ARHGEF3: variants seen among roughly 807,000 people sequenced by gnomAD.
ARHGEF3 encodes the protein 59.8 kDA protein.
Under a neutral mutation model 63.2 loss-of-function variants are expected in ARHGEF3, and 28 were observed. That is an observed-to-expected ratio of 0.44 (90% CI 0.33 to 0.61). The LOEUF (loss-of-function observed/expected upper bound fraction) is 0.61. Among genes scored for constraint, ARHGEF3 ranks in the 20% least tolerant of loss-of-function variants. The pLI, the probability that ARHGEF3 is intolerant of heterozygous loss-of-function variation, is 0.03. For missense variants in ARHGEF3, 533 were observed against 659.3 expected, an observed-to-expected ratio of 0.81 and a Z score of 2.10; for synonymous variants, 266 against 254.2, an observed-to-expected ratio of 1.05 and a Z score of -0.44.
intron 1 of ARHGEF3, chr3:57,074,426 T>C: frequency 1.6e-6 from 1 of 642,276 alleles, no homozygotes; most frequent in Non-Finnish European, 2.8e-6. Flanking sequence ...GAAGCCTCCC[T>C]GTCACACTTC....
intron 2 of ARHGEF3, among the ~76,000 whole-genome samples, chr3:56,967,360 T>TTATATAA (rs1700558080): frequency 2.4e-4 from 11 of 45,000 alleles, no homozygotes; most frequent in African/African-American, 4.6e-4. Flanking sequence ...TTATATAATA[T>TTATATAA]TATATTATAT....
At chr3:56,919,563 G>A (rs755582293) in intron 3 of ARHGEF3, among the ~76,000 whole-genome samples, 2 of 152,240 alleles carry the variant, frequency 1.3e-5, no homozygotes, top group East Asian at 1.9e-4. Context: ...TAGCAAATAC[G>A]AAAGATACAC....
upstream of ARHGEF3, among the ~76,000 whole-genome samples, chr3:56,806,126 C>A (rs777663322): frequency 1.5e-4 from 23 of 152,162 alleles, no homozygotes; most frequent in Non-Finnish European, 2.9e-4. Flanking sequence ...GCAATTTCCA[C>A]CTTGGTCCCT....
chr3:56,928,430 A>C (rs1304276264), intron 3 of ARHGEF3, among the ~76,000 whole-genome samples: 1 of 152,174 alleles, frequency 6.6e-6, no homozygotes, highest in Non-Finnish European at 1.5e-5. Context: ...CAGGCTCTGA[A>C]AACACTCCTT....
At chr3:56,867,486 T>TA (rs1268871025) in intron 4 of ARHGEF3, among the ~76,000 whole-genome samples, 4 of 151,204 alleles carry the variant, frequency 2.6e-5, no homozygotes, top group African/African-American at 9.8e-5. Flanking sequence ...TTTATTTATT[T>TA]TTTTGAGACA....
chr3:56,736,747 T>C (rs971069980), intron 8 of ARHGEF3, among the ~76,000 whole-genome samples: 1 of 152,186 alleles, frequency 6.6e-6, no homozygotes, highest in Non-Finnish European at 1.5e-5. Flanking sequence ...TATATATACA[T>C]ATACACATAT....
chr3:56,806,968 C>A (rs1296075701), intron 4 of ARHGEF3, among the ~76,000 whole-genome samples: 3 of 151,978 alleles, frequency 2.0e-5, no homozygotes, highest in African/African-American at 7.3e-5. Context: ...ACTGCAACCT[C>A]CACCTCCCGG....
At chr3:56,849,428 A>T (rs1456251224) in intron 4 of ARHGEF3, among the ~76,000 whole-genome samples, 1 of 152,178 alleles carries the variant, frequency 6.6e-6, no homozygotes, top group African/African-American at 2.4e-5. Context: ...TACAGCTTTG[A>T]TCCACTTTCT....
chr3:56,867,128 T>C (rs555269236), intron 4 of ARHGEF3, among the ~76,000 whole-genome samples: 2 of 152,196 alleles, frequency 1.3e-5, no homozygotes, highest in African/African-American at 2.4e-5. Flanking sequence ...AAGGCAAATA[T>C]GTATGTAGAG....
chr3:57,049,815 A>G (rs1287846635), intron 1 of ARHGEF3, among the ~76,000 whole-genome samples: 1 of 152,210 alleles, frequency 6.6e-6, no homozygotes, highest in East Asian at 1.9e-4. Flanking sequence ...GCCCCTGCCC[A>G]GCACCCACTA....
intron 2 of ARHGEF3, among the ~76,000 whole-genome samples, chr3:57,018,963 C>T (rs1398016264): frequency 1.3e-5 from 2 of 151,880 alleles, no homozygotes; most frequent in African/African-American, 2.4e-5. Flanking sequence ...TGCCATCTCT[C>T]GCAGAATTTC....
chr3:56,813,317 G>C (rs757476107), intron 4 of ARHGEF3, among the ~76,000 whole-genome samples: 2 of 152,162 alleles, frequency 1.3e-5, no homozygotes, highest in Non-Finnish European at 2.9e-5. Flanking sequence ...AGGAGAATTT[G>C]ATCTGTATTT....
chr3:56,798,396 T>C (rs1457139047), intron 1 of ARHGEF3, among the ~76,000 whole-genome samples: 1 of 152,218 alleles, frequency 6.6e-6, no homozygotes, highest in Non-Finnish European at 1.5e-5. Flanking sequence ...AGATATATTC[T>C]TACAAAAATA....
chr3:56,993,985 A>ACC (rs1701867737), intron 2 of ARHGEF3, among the ~76,000 whole-genome samples: 1 of 142,102 alleles, frequency 7.0e-6, no homozygotes, highest in African/African-American at 2.6e-5. Flanking sequence ...AAACGCTTGA[A>ACC]CCCGGGAGGC....
intron 4 of ARHGEF3, among the ~76,000 whole-genome samples, chr3:56,856,545 C>T (rs1427432171): frequency 6.6e-6 from 1 of 152,024 alleles, no homozygotes; most frequent in Non-Finnish European, 1.5e-5. Context: ...CCCCCTCCCC[C>T]TTCCCCACCA....
chr3:57,024,941 G>A (rs941170092), intron 2 of ARHGEF3, among the ~76,000 whole-genome samples: 1 of 152,222 alleles, frequency 6.6e-6, no homozygotes, highest in African/African-American at 2.4e-5. Context: ...TTATCCTGAC[G>A]TTGGAGTGAT....
At chr3:56,792,591 G>A (rs1406967546) in intron 1 of ARHGEF3, among the ~76,000 whole-genome samples, 5 of 152,150 alleles carry the variant, frequency 3.3e-5, no homozygotes, top group South Asian at 2.1e-4. Context: ...TTGGTATCTC[G>A]TCTTTAAAAT....
intron 4 of ARHGEF3, among the ~76,000 whole-genome samples, chr3:56,863,453 C>A (rs549203962): frequency 2.6e-5 from 4 of 152,320 alleles, no homozygotes; most frequent in Admixed American, 2.0e-4. Flanking sequence ...GTGTGTGCCA[C>A]CATGCCCGGC....
intron 3 of ARHGEF3, among the ~76,000 whole-genome samples, chr3:56,942,129 A>C (rs946361223): frequency 6.6e-6 from 1 of 152,238 alleles, no homozygotes; most frequent in Non-Finnish European, 1.5e-5. Flanking sequence ...GCACATTCCA[A>C]AGGCTAACAA....
Sources: gnomAD v4.1 joint callset for allele counts (sites outside exome capture counted in the v4.1 genomes callset) on GRCh38, gnomAD v4.1.1 for gene constraint, MANE v1.5 for transcripts, NCBI Gene and HGNC (gene_info 2026-07-23, HGNC 2026-07-21) for gene names.